The following RTP2 variants were observed in gnomAD, a reference collection of about 807,000 sequenced individuals.
RTP2 encodes receptor transporter protein 2, also known as receptor-transporting protein 2.
Under a neutral mutation model 17.9 loss-of-function variants are expected in RTP2, and 12 were observed. The observed-to-expected ratio is 0.67, with a 90% CI of 0.43 to 1.09. RTP2 has a LOEUF of 1.09. Among genes scored for constraint, RTP2 ranks in the 50% least tolerant of loss-of-function variants. The pLI is 0.00. For synonymous variants in RTP2, 126 were observed against 117.7 expected (o/e 1.07, Z -0.46); for missense variants, 327 against 295.7 (o/e 1.11, Z -0.78).
the RTP2 span, among the ~76,000 whole-genome samples, chr3:187,714,970 A>G: frequency 5.1e-4 from 77 of 152,170 alleles, no homozygotes; most frequent in African/African-American, 1.7e-3. Context: ...GTTAGGAAAA[A>G]AAAAACACAA....
the RTP2 span, among the ~76,000 whole-genome samples, chr3:187,707,938 C>A: frequency 6.6e-6 from 1 of 152,094 alleles, no homozygotes; most frequent in Admixed American, 6.5e-5. Context: ...GGAGAACACT[C>A]CATTGAGTAT....
rs1579781100 is a variant in RTP2 at position 187,699,160 on chromosome 3, GC to G, written c.165-150del. On this transcript the variant is annotated intron_variant, in intron 1 of 1. Coordinates refer to ENST00000358241, the Ensembl canonical transcript of RTP2. ...CCTGTGGATTCATTAGCACTCCAAG[GC>G]CGGCCTGCTCTCGCCTCCTCCTGGT... 1.9e-5 allele frequency: 19 copies of G among 1,005,952 alleles called. 2 individuals carry two copies. In the South Asian group the frequency reaches 3.2e-4, roughly 17 times the overall value. The allele number at this position is 1,005,952 out of a possible 1,614,324, so 62.3% of individuals were successfully genotyped here.
chr3:187,698,918 C>T (rs1381256283), exon 2 of RTP2: 16 of 1,610,024 alleles, frequency 9.9e-6, no homozygotes, highest in Middle Eastern at 1.6e-4. Flanking sequence ...GCATGCGCAC[C>T]GAGCCCGCCC....
At chr3:187,702,198 C>T (rs945180254) in exon 1 of RTP2, 45 of 1,455,194 alleles carry the variant, frequency 3.1e-5, no homozygotes, top group African/African-American at 1.7e-4. Context: ...CGGATAGGTA[C>T]GGGACAATTC....
chr3:187,700,998 C>T lies in RTP2; in HGVS notation c.164+967G>A, dbSNP rs113097634. ...CCTCCTCTGTTCCCACCCTCAGCAC[C>T]ATTCTGCACCATGAGAAGCTTCACA... is the stretch of plus-strand genomic sequence containing the variant. On this transcript the variant is annotated intron_variant, in intron 1 of 1. Transcript: ENST00000358241. Among the ~76,000 whole-genome samples, 111 of 152,330 alleles carry T rather than the reference C, an allele frequency of 7.3e-4. 1 individual carries two copies. The highest frequency in any genetic ancestry group is 2.6e-3 in the African/African-American group (107 of 41,566).
chr3:187,702,311 C>T (rs1717873603), exon 1 of RTP2: 1 of 628,652 alleles, frequency 1.6e-6, no homozygotes, highest in Non-Finnish European at 2.8e-6. Context: ...CCAGGCAGGG[C>T]ACCAAGAGTG....
At chr3:187,708,691 G>T in the RTP2 span, among the ~76,000 whole-genome samples, 1 of 152,162 alleles carries the variant, frequency 6.6e-6, no homozygotes, top group African/African-American at 2.4e-5. Context: ...ATAATAAAAG[G>T]TAATAGTGAT....
chr3:187,713,213 C>T, the RTP2 span, among the ~76,000 whole-genome samples: 4 of 152,180 alleles, frequency 2.6e-5, no homozygotes, highest in Non-Finnish European at 4.4e-5. Flanking sequence ...AGGTGGTGGG[C>T]GCCATGGCAT....
At chr3:187,698,396 G>A (rs1717740988) in exon 2 of RTP2, 6 of 1,049,462 alleles carry the variant, frequency 5.7e-6, no homozygotes, top group Middle Eastern at 2.9e-4. Flanking sequence ...AGAGGTGACC[G>A]GATTGTCCAG....
intron 1 of RTP2, 136 bp downstream of exon 1, chr3:187,701,829 G>T: frequency 1.4e-6 from 1 of 724,042 alleles, no homozygotes; most frequent in Non-Finnish European, 2.2e-6. Flanking sequence ...TGACCCAGCC[G>T]GCTGTCTTTG....
At chr3:187,701,813 ACT>A (rs753585555) in intron 1 of RTP2, 150 bp downstream of exon 1, 14 of 631,494 alleles carry the variant, frequency 2.2e-5, no homozygotes, top group Admixed American at 3.0e-5. Context: ...AAAAGCAAGA[ACT>A]CTCTGACCCA....
At chr3:187,698,826 A>T (rs1282170131) in exon 2 of RTP2, 1 of 1,612,980 alleles carries the variant, frequency 6.2e-7, no homozygotes. Flanking sequence ...GTTGTCCACC[A>T]GGCCCTCGAT....
intron 1 of RTP2, among the ~76,000 whole-genome samples, chr3:187,699,546 A>G (rs1159227178): frequency 1.3e-5 from 2 of 152,118 alleles, no homozygotes; most frequent in African/African-American, 4.8e-5. Context: ...TAAACCACTG[A>G]GAATGATGGG....
upstream of RTP2, among the ~76,000 whole-genome samples, chr3:187,704,150 T>C (rs1400027662): frequency 1.3e-5 from 2 of 152,196 alleles, no homozygotes; most frequent in Admixed American, 1.3e-4. Context: ...AATAAAGAAA[T>C]TGTTATTTCT....
chr3:187,699,784 T>G (rs1880096), intron 1 of RTP2, among the ~76,000 whole-genome samples: 1 of 18,796 alleles, frequency 5.3e-5, no homozygotes. Flanking sequence ...CACACACACA[T>G]ATATTTTCTC....
the RTP2 span, among the ~76,000 whole-genome samples, chr3:187,709,062 T>C: frequency 1.3e-5 from 2 of 151,638 alleles, no homozygotes; most frequent in Admixed American, 1.3e-4. Flanking sequence ...TACAAAAATA[T>C]ATTAACTATT....
the RTP2 span, among the ~76,000 whole-genome samples, chr3:187,712,417 G>A: frequency 6.6e-6 from 1 of 152,050 alleles, no homozygotes; most frequent in African/African-American, 2.4e-5. Flanking sequence ...TGTTTTTCAA[G>A]TTTTTATGTA....
At chr3:187,701,489 T>C (rs1182030485) in intron 1 of RTP2, among the ~76,000 whole-genome samples, 1 of 152,216 alleles carries the variant, frequency 6.6e-6, no homozygotes, top group East Asian at 1.9e-4. Flanking sequence ...TACTTAGCTA[T>C]ATAGAGCCAG....
chr3:187,698,949 A>C (rs1717770724), exon 2 of RTP2: 1 of 1,607,202 alleles, frequency 6.2e-7, no homozygotes, highest in South Asian at 1.1e-5. Context: ...GTCCAGGAAC[A>C]TGTGGAAGAG....
Sources: allele counts gnomAD v4.1 joint callset (sites outside exome capture counted in the v4.1 genomes callset), GRCh38; gene constraint gnomAD v4.1.1; transcripts MANE v1.5; gene names NCBI Gene and HGNC (gene_info 2026-07-23, HGNC 2026-07-21).